The following EXOC4 variants were observed in gnomAD, a reference collection of about 807,000 sequenced individuals.
EXOC4 encodes exocyst complex component 4, also known as SEC8-like 1.
Under a neutral mutation model 107.2 loss-of-function variants are expected in EXOC4, and 71 were observed. The observed-to-expected ratio is 0.66, with a 90% CI of 0.55 to 0.81. The LOEUF is 0.81. Among genes scored for constraint, EXOC4 ranks in the 30% least tolerant of loss-of-function variants. The probability of loss-of-function intolerance (pLI) is 0.00; values close to 1 mark genes in which losing one functional copy is unlikely to be tolerated. For missense variants in EXOC4, 1,108 were observed against 1,189.6 expected (o/e 0.93, Z 1.01); for synonymous variants, 456 against 441.2 (o/e 1.03, Z -0.42).
intron 9 of EXOC4, among the ~76,000 whole-genome samples, chr7:133,501,970 G>A (rs146804470): frequency 1.3e-5 from 2 of 152,076 alleles, no homozygotes; most frequent in East Asian, 1.9e-4. Context: ...AAACCAGGGC[G>A]ATTTATGACT....
At chr7:133,387,147 C>A (rs1003302957) in intron 7 of EXOC4, among the ~76,000 whole-genome samples, 1 of 152,076 alleles carries the variant, frequency 6.6e-6, no homozygotes, top group African/African-American at 2.4e-5. Flanking sequence ...AATGCACACT[C>A]CTGGTTAAGA....
intron 5 of EXOC4, among the ~76,000 whole-genome samples, chr7:133,349,445 A>C (rs1584840506): frequency 6.6e-6 from 1 of 152,192 alleles, no homozygotes; most frequent in Admixed American, 6.5e-5. Context: ...TTCATTTAGC[A>C]TAATGTACTC....
chr7:133,922,729 TC>T (rs1325791484), intron 13 of EXOC4, among the ~76,000 whole-genome samples: 1 of 151,546 alleles, frequency 6.6e-6, no homozygotes, highest in Non-Finnish European at 1.5e-5. Context: ...GTGCCTGTAG[TC>T]CCCAGCTACT....
At chr7:133,412,817 CT>C (rs1797393078) in intron 7 of EXOC4, among the ~76,000 whole-genome samples, 1 of 151,980 alleles carries the variant, frequency 6.6e-6, no homozygotes, top group Non-Finnish European at 1.5e-5. Context: ...TTGAGGTTTT[CT>C]TTTTTTCCCA....
intron 9 of EXOC4, among the ~76,000 whole-genome samples, chr7:133,543,936 T>G (rs1013327603): frequency 5.3e-5 from 8 of 152,178 alleles, no homozygotes; most frequent in Non-Finnish European, 8.8e-5. Flanking sequence ...AGTTTGCCTG[T>G]AAATGAAATT....
At chr7:133,389,678 T>C (rs1796807956) in intron 7 of EXOC4, among the ~76,000 whole-genome samples, 1 of 151,580 alleles carries the variant, frequency 6.6e-6, no homozygotes, top group Non-Finnish European at 1.5e-5. Context: ...GCATGTTGAA[T>C]TGAAGGTCTG....
chr7:133,521,509 A>G (rs1015364451), intron 9 of EXOC4, among the ~76,000 whole-genome samples: 4 of 152,122 alleles, frequency 2.6e-5, no homozygotes, highest in Non-Finnish European at 4.4e-5. Flanking sequence ...CCCCCAATGT[A>G]TTTTAGCAAA....
At position 133,630,039 on chromosome 7, in the gene EXOC4, T is replaced by G; in HGVS notation, c.1418-6T>G. 1 of 1,609,924 alleles carries G rather than the reference T, an allele frequency of 6.2e-7. No homozygotes were observed. Among genetic ancestry groups the G allele is most frequent in the Non-Finnish European group, 8.5e-7 (1 of 1,176,716 alleles). ...CTAAGTCTGTTTTTTTTCTTTCTTC[T>G]GAAAGGGGGTCCTGATGACAACTTA... On this transcript the variant is annotated splice_region_variant and splice_polypyrimidine_tract_variant and intron_variant, in intron 9 of 17. Transcript: ENST00000253861.
intron 10 of EXOC4, among the ~76,000 whole-genome samples, chr7:133,781,253 C>G (rs1479765466): frequency 6.6e-6 from 1 of 152,180 alleles, no homozygotes; most frequent in African/African-American, 2.4e-5. Flanking sequence ...TCTGGGTTTT[C>G]TCGTCCATTT....
At chr7:134,053,223 G>A (rs1337175012) in intron 17 of EXOC4, among the ~76,000 whole-genome samples, 1 of 146,028 alleles carries the variant, frequency 6.8e-6, no homozygotes, top group Non-Finnish European at 1.5e-5. Flanking sequence ...GGACGACAGA[G>A]CGAAACTCCA....
chr7:133,297,209 T>G (rs1389903414), intron 3 of EXOC4, among the ~76,000 whole-genome samples: 3 of 152,238 alleles, frequency 2.0e-5, no homozygotes, highest in Non-Finnish European at 4.4e-5. Context: ...GATTTTATAG[T>G]CTGATTATTT....
intron 10 of EXOC4, among the ~76,000 whole-genome samples, chr7:133,693,267 C>G (rs1225103487): frequency 6.6e-6 from 1 of 152,166 alleles, no homozygotes; most frequent in Non-Finnish European, 1.5e-5. Flanking sequence ...AGTCCAAAAG[C>G]TGAAGAACTT....
At chr7:133,444,418 G>A (rs1024160395) in intron 7 of EXOC4, among the ~76,000 whole-genome samples, 8 of 152,140 alleles carry the variant, frequency 5.3e-5, no homozygotes, top group Admixed American at 2.0e-4. Flanking sequence ...AACGTTTTAT[G>A]TGTTGGGGCC....
At chr7:133,344,595 A>G (rs1031956280) in intron 5 of EXOC4, among the ~76,000 whole-genome samples, 3 of 152,198 alleles carry the variant, frequency 2.0e-5, no homozygotes, top group Non-Finnish European at 2.9e-5. Flanking sequence ...TAGCCATCCA[A>G]TAGCCAAAGG....
intron 9 of EXOC4, among the ~76,000 whole-genome samples, chr7:133,598,753 G>T (rs117185485): frequency 2.0e-5 from 3 of 152,122 alleles, no homozygotes; most frequent in Admixed American, 6.6e-5. Context: ...AGGCTGAAGC[G>T]GGTGGATTAC....
chr7:133,388,756 T>A (rs1393718545), intron 7 of EXOC4, among the ~76,000 whole-genome samples: 2 of 152,238 alleles, frequency 1.3e-5, no homozygotes, highest in African/African-American at 4.8e-5. Context: ...TACATTTTGT[T>A]TGAATCAGGA....
intron 7 of EXOC4, among the ~76,000 whole-genome samples, chr7:133,434,829 C>G (rs1482143426): frequency 6.6e-6 from 1 of 152,096 alleles, no homozygotes; most frequent in African/African-American, 2.4e-5. Context: ...AAAGCTTTAT[C>G]CTTCCTCTTT....
At position 133,358,566 on chromosome 7, in the gene EXOC4, G is replaced by A. The variant is rs140079700; in HGVS notation, c.1007+1993G>A. ...TTCTTTGCCTGGCACCTGGATTTTC[G>A]TGAAGACCTTTTGACTCCTTACTGA... is the stretch of plus-strand genomic sequence containing the variant. On this transcript the variant is annotated intron_variant, in intron 6 of 17. Transcript: ENST00000253861. Among the ~76,000 whole-genome samples the A allele has an allele frequency of 4.3e-4, 65 of 152,134 alleles. 1 individual carries two copies. In the South Asian group the frequency reaches 0.013, roughly 30 times the overall value.
intron 7 of EXOC4, among the ~76,000 whole-genome samples, chr7:133,377,823 C>G (rs1796522571): frequency 6.6e-6 from 1 of 152,180 alleles, no homozygotes; most frequent in Non-Finnish European, 1.5e-5. Context: ...TCAGTGACAT[C>G]TCATCAGAAA....
Sources: gnomAD v4.1 joint callset for allele counts (sites outside exome capture counted in the v4.1 genomes callset) on GRCh38, gnomAD v4.1.1 for gene constraint, MANE v1.5 for transcripts, NCBI Gene and HGNC (gene_info 2026-07-23, HGNC 2026-07-21) for gene names.